The following UNC13C variants were observed in gnomAD, a reference collection of about 807,000 sequenced individuals.
The protein encoded by UNC13C is protein unc-13 homolog C.
Under a neutral mutation model 245.4 loss-of-function variants are expected in UNC13C, and 174 were observed. That is an observed-to-expected ratio of 0.71 (90% CI 0.63 to 0.80). The LOEUF (loss-of-function observed/expected upper bound fraction) is 0.80, where lower values mean the gene tolerates loss of function less well. Ranked by LOEUF, UNC13C falls within the 30% of genes least tolerant of loss-of-function variation. The probability of loss-of-function intolerance (pLI) is 0.00; values close to 1 mark genes in which losing one functional copy is unlikely to be tolerated. For missense variants in UNC13C, 2,829 were observed against 2,602.9 expected (o/e 1.09, Z -1.89); for synonymous variants, 992 against 895.1 (o/e 1.11, Z -1.93).
chr15:54,625,050 TCA>T (rs544665503), intron 32 of UNC13C, among the ~76,000 whole-genome samples: 7 of 152,116 alleles, frequency 4.6e-5, no homozygotes, highest in Non-Finnish European at 8.8e-5. Flanking sequence ...TCATTTCTTT[TCA>T]GTTTGATGTA....
intron 19 of UNC13C, among the ~76,000 whole-genome samples, chr15:54,471,547 T>C (rs879726688): frequency 1.3e-5 from 2 of 151,630 alleles, no homozygotes; most frequent in Non-Finnish European, 3.0e-5. Context: ...ATGTTCTACC[T>C]TCTCCTATTC....
At chr15:54,545,928 TAGAACTAGAAATACCATTTGACCC>T (rs1896464128) in intron 26 of UNC13C, among the ~76,000 whole-genome samples, 1 of 152,186 alleles carries the variant, frequency 6.6e-6, no homozygotes, top group South Asian at 2.1e-4. Context: ...CTCAAGGATC[TAGAACTAGAAATACCATTTGACCC>T]AGCAATCCCA....
intron 2 of UNC13C, among the ~76,000 whole-genome samples, chr15:54,103,655 CATT>C (rs991589686): frequency 4.6e-5 from 7 of 152,140 alleles, no homozygotes; most frequent in Non-Finnish European, 1.5e-5. Flanking sequence ...GTGACCCTGT[CATT>C]ATTTTTTTTT....
In UNC13C at chr15:54,421,037, A is replaced by G. The variant is rs964493530; in HGVS notation, c.4933+5970A>G. ...TTTTAATCTTATTTAGCAATTGCCT[A>G]TTTAGCACTTGCTAGGTACTGGTTT... On this transcript the variant is annotated intron_variant, in intron 19 of 32. Transcript: ENST00000260323. Among the ~76,000 whole-genome samples, 54 of 152,166 alleles carry G rather than the reference A, an allele frequency of 3.5e-4. 1 individual carries two copies. Among genetic ancestry groups the G allele is most frequent in the African/African-American group, 1.3e-3 (52 of 41,544 alleles).
At chr15:53,927,294 C>G in the UNC13C span, among the ~76,000 whole-genome samples, 1 of 152,160 alleles carries the variant, frequency 6.6e-6, no homozygotes, top group Non-Finnish European at 1.5e-5. Flanking sequence ...CCATGGAGAT[C>G]ACTTTGTTTG....
intron 4 of UNC13C, among the ~76,000 whole-genome samples, chr15:54,190,138 A>T (rs1310348300): frequency 6.6e-6 from 1 of 152,128 alleles, no homozygotes; most frequent in Admixed American, 6.6e-5. Flanking sequence ...AACCAACCCT[A>T]CAAGTTGGTT....
At chr15:54,244,786 G>A (rs567601223) in intron 7 of UNC13C, among the ~76,000 whole-genome samples, 15 of 152,140 alleles carry the variant, frequency 9.9e-5, no homozygotes, top group African/African-American at 1.4e-4. Flanking sequence ...TGTTGTTTGC[G>A]TATAGAGATG....
In UNC13C at chr15:54,015,360, G is replaced by T. The variant is rs1007069536; in HGVS notation, c.2457G>T (p.Leu819=). ...TATGGAACAAAAGCACACAGAGTCT[G>T]AGTGGGTATGAGGACAGTGGCTCTT... The part of the protein sequence containing the change: ...EVVWNKSTQS[L]SGYEDSGSSL... The change falls in exon 2 of 33, where the codon CTG becomes CTT. Residue 819 remains leucine (L), a synonymous_variant. Transcript: ENST00000260323. 2 of 1,613,830 alleles carry T rather than the reference G, an allele frequency of 1.2e-6. No individual in the cohort carries two copies. The highest frequency in any genetic ancestry group is 2.7e-5 in the African/African-American group (2 of 75,034).
At chr15:54,214,376 T>C (rs2034976700) in intron 4 of UNC13C, among the ~76,000 whole-genome samples, 2 of 151,962 alleles carry the variant, frequency 1.3e-5, no homozygotes, top group Non-Finnish European at 1.5e-5. Flanking sequence ...GAGATGTGTC[T>C]TTAGTCTGAG....
chr15:54,430,524 A>G (rs1174090969), intron 19 of UNC13C, among the ~76,000 whole-genome samples: 2 of 151,608 alleles, frequency 1.3e-5, no homozygotes, highest in Non-Finnish European at 3.0e-5. Context: ...GCTCAAACTC[A>G]TTAGCCTGTT....
At chr15:54,071,407 T>A (rs960885163) in intron 2 of UNC13C, among the ~76,000 whole-genome samples, 1 of 152,204 alleles carries the variant, frequency 6.6e-6, no homozygotes, top group African/African-American at 2.4e-5. Flanking sequence ...CTATTTTCTA[T>A]TATTGGTATT....
chr15:54,618,410 T>A (rs1900579434), intron 30 of UNC13C, among the ~76,000 whole-genome samples: 1 of 152,196 alleles, frequency 6.6e-6, no homozygotes, highest in Admixed American at 6.6e-5. Context: ...AGCAAGACTA[T>A]ATAACAGGCA....
At chr15:53,876,471 C>G in the UNC13C span, among the ~76,000 whole-genome samples, 1 of 152,160 alleles carries the variant, frequency 6.6e-6, no homozygotes, top group Non-Finnish European at 1.5e-5. Flanking sequence ...TACCATATTG[C>G]AAAACCAAAA....
chr15:53,845,426 A>G, the UNC13C span, among the ~76,000 whole-genome samples: 1 of 152,180 alleles, frequency 6.6e-6, no homozygotes. Context: ...AACTAGAATC[A>G]GAAGAGACTG....
At position 54,506,656 on chromosome 15, in the gene UNC13C, G is replaced by A. The variant is rs569241565; in HGVS notation, c.5302-461G>A. On this transcript the variant is annotated intron_variant, in intron 22 of 32. Transcript: ENST00000260323. ...TTATAAATTAAACATCTCTTCTTCA[G>A]CTTAACTCTTTGGAGTGTCTCCCTC... 5.3e-5 allele frequency among the ~76,000 whole-genome samples: 8 copies of A among 152,026 alleles called. 1 individual carries two copies. Among genetic ancestry groups the A allele is most frequent in the African/African-American group, 1.9e-4 (8 of 41,522 alleles).
chr15:53,841,418 A>G, the UNC13C span, among the ~76,000 whole-genome samples: 1 of 152,240 alleles, frequency 6.6e-6, no homozygotes. Flanking sequence ...TCTAAAATAT[A>G]TATCGTGTGG....
chr15:54,327,411 AGTT>A lies in UNC13C; in HGVS notation c.4426-4630_4426-4628del, dbSNP rs1353444529. Reference sequence around the variant, plus strand: ...TATAATTTTTTTTTTTACTTAGCTGAGTTGACATATTTTTTAATGGACGCTTTA... The same window carrying A: ...TATAATTTTTTTTTTTACTTAGCTGAGACATATTTTTTAATGGACGCTTTA... On this transcript the variant is annotated intron_variant, in intron 14 of 32. Coordinates refer to ENST00000260323, the MANE Select transcript of UNC13C (RefSeq NM_001080534.3). Among the ~76,000 whole-genome samples the A allele has an allele frequency of 1.5e-4, 22 of 151,708 alleles. No individual in the cohort carries two copies. The East Asian group carries it at 4.3e-3, about 30-fold the overall frequency.
chr15:54,225,020 G>C (rs1210772352), intron 4 of UNC13C, among the ~76,000 whole-genome samples: 31 of 138,406 alleles, frequency 2.2e-4, no homozygotes, highest in Non-Finnish European at 3.9e-4. Flanking sequence ...GGTTTTACTT[G>C]TGTCTTCTTT....
At chr15:54,207,337 T>G (rs973445896) in intron 4 of UNC13C, among the ~76,000 whole-genome samples, 1 of 152,034 alleles carries the variant, frequency 6.6e-6, no homozygotes, top group African/African-American at 2.4e-5. Context: ...AGAAAAAAGC[T>G]GGTTGTTAAA....
Sources: gnomAD v4.1 joint callset for allele counts (sites outside exome capture counted in the v4.1 genomes callset) on GRCh38, gnomAD v4.1.1 for gene constraint, MANE v1.5 for transcripts, NCBI Gene and HGNC (gene_info 2026-07-23, HGNC 2026-07-21) for gene names.